Variants in MCMDC2 observed in about 807,000 individuals in gnomAD.
MCMDC2 encodes minichromosome maintenance domain-containing protein 2.
A neutral mutation model predicts 75.8 loss-of-function variants in MCMDC2; 54 were observed. The observed-to-expected ratio is 0.71, with a 90% CI of 0.57 to 0.89. MCMDC2 has a LOEUF of 0.89. Among genes scored for constraint, MCMDC2 ranks in the 40% least tolerant of loss-of-function variants. MCMDC2 has a pLI of 0.00. For missense variants in MCMDC2, 656 were observed against 780.4 expected (o/e 0.84, Z 1.90); for synonymous variants, 249 against 274.6 (o/e 0.91, Z 0.92).
At chr8:66,901,608 T>C (rs1563384346) in intron 13 of MCMDC2, 7 of 1,128,178 alleles carry the variant, frequency 6.2e-6, no homozygotes, top group Admixed American at 4.9e-5. Flanking sequence ...AAAAGTGCAC[T>C]GATTTCAAAT....
At chr8:66,924,696 C>T (rs1319603086), downstream of MCMDC2, among the ~76,000 whole-genome samples, 2 of 151,822 alleles carry the variant, frequency 1.3e-5, no homozygotes, top group African/African-American at 4.8e-5. Flanking sequence ...CAGTTGCTGA[C>T]CGGTTTCTTC....
chr8:66,889,089 A>G (rs144689882), intron 9 of MCMDC2, among the ~76,000 whole-genome samples: 1 of 152,290 alleles, frequency 6.6e-6, no homozygotes, highest in Non-Finnish European at 1.5e-5. Context: ...GATATATTTT[A>G]TACCATCTAC....
chr8:66,882,995 G>A (rs1249272107), intron 8 of MCMDC2, among the ~76,000 whole-genome samples: 1 of 152,116 alleles, frequency 6.6e-6, no homozygotes, highest in Non-Finnish European at 1.5e-5. Flanking sequence ...GACTAAAGTA[G>A]GCCTCTCTTA....
intron 5 of MCMDC2, among the ~76,000 whole-genome samples, chr8:66,877,852 G>A (rs1322577362): frequency 1.5e-5 from 2 of 137,116 alleles, no homozygotes; most frequent in African/African-American, 2.8e-5. Flanking sequence ...ATGACAAAGA[G>A]TGACCCTGTC....
chr8:66,893,631 A>G (rs1420260194), intron 10 of MCMDC2, among the ~76,000 whole-genome samples: 2 of 152,150 alleles, frequency 1.3e-5, no homozygotes, highest in African/African-American at 4.8e-5. Flanking sequence ...ACCTGCCCCC[A>G]TGATTCAGTT....
chr8:66,888,677 A>G (rs1293285629), intron 9 of MCMDC2, among the ~76,000 whole-genome samples: 2 of 152,218 alleles, frequency 1.3e-5, no homozygotes, highest in African/African-American at 4.8e-5. Flanking sequence ...TGCTATGAAT[A>G]TATAGAAATA....
Position 66,874,039 on chromosome 8 carries a change from A to G in MCMDC2, c.-88-14A>G, listed in dbSNP as rs1020209340. ...ATTAGAGATTTTCAAAAATAAAATT[A>G]ATTTTATTTCTAGGTTTTCACATCC... On this transcript the variant is annotated splice_polypyrimidine_tract_variant and intron_variant, in intron 1 of 14. Coordinates refer to ENST00000422365, the MANE Select transcript of MCMDC2 (RefSeq NM_173518.5). The G allele has an allele frequency of 4.0e-6, 3 of 755,794 alleles. No individual in the cohort carries two copies. The highest frequency in any genetic ancestry group is 4.0e-6 in the Non-Finnish European group (2 of 503,084). 46.8% of individuals were successfully genotyped at this position (755,794 alleles called of 1,614,324 possible). A position where few individuals can be genotyped will look rare whatever the true frequency, so the allele number is the denominator to read the frequency against.
intron 14 of MCMDC2, among the ~76,000 whole-genome samples, chr8:66,907,644 G>A (rs185238955): frequency 1.3e-5 from 2 of 152,152 alleles, no homozygotes; most frequent in Non-Finnish European, 2.9e-5. Flanking sequence ...TTGAGGAATC[G>A]CCACACTGTC....
In MCMDC2 at chr8:66,920,012, G is replaced by C. The variant is rs905270248; in HGVS notation, c.*843G>C. The C allele has an allele frequency of 6.6e-6, 1 of 152,138 alleles. No homozygotes were observed. The highest frequency in any genetic ancestry group is 2.4e-5 in the African/African-American group (1 of 41,422). The allele number at this position is 152,138 out of a possible 1,614,324, so 9.4% of individuals were successfully genotyped here. On this transcript the variant is annotated 3_prime_UTR_variant, in exon 15 of 15. Transcript: ENST00000422365. ...TTTCCATAACTTTAATAAAAGATCA[G>C]TTCTATTCACAGAAAAGCAAAATGT...
chr8:66,899,773 G>T (rs1007721504), intron 12 of MCMDC2, among the ~76,000 whole-genome samples: 31 of 151,740 alleles, frequency 2.0e-4, no homozygotes, highest in South Asian at 8.3e-4. Flanking sequence ...TGGGATTACA[G>T]GTGTGAGCCA....
chr8:66,874,531 G>C lies in MCMDC2; in HGVS notation c.230G>C (p.Cys77Ser). Reference protein sequence around the residue: ...LKAAEVFQSVCFIAVKTLSLI... With the variant: ...LKAAEVFQSVSFIAVKTLSLI... ...TTTTTTTGTTTGAAATCACAGGTCT[G>C]TTTTATTGCTGTTAAGACTCTCTCA... is the stretch of plus-strand genomic sequence containing the variant. Residue 77 changes from cysteine to serine, a missense_variant, in exon 4 of 15, where the codon TGT (cysteine) becomes TCT (serine). Physicochemically the swap from Cys to Ser is moderately radical, Grantham distance 112. Transcript: ENST00000422365. 4.3e-6 allele frequency: 7 copies of C among 1,613,236 alleles called. No homozygotes were observed. The highest frequency in any genetic ancestry group is 5.9e-6 in the Non-Finnish European group (7 of 1,179,778).
rs563554040 is a variant in MCMDC2 at position 66,904,976 on chromosome 8, C to T, written c.1770-250C>T. On this transcript the variant is annotated intron_variant, in intron 13 of 14. Coordinates refer to ENST00000422365, the MANE Select transcript of MCMDC2 (RefSeq NM_173518.5). Reference sequence around the variant, plus strand: ...CTGTGTATTTATCTGAACAAAACTTCGGGAGGGGAGTGTGGAATGATAAAT... The same window carrying T: ...CTGTGTATTTATCTGAACAAAACTTTGGGAGGGGAGTGTGGAATGATAAAT... 3.3e-5 allele frequency among the ~76,000 whole-genome samples: 5 copies of T among 151,906 alleles called. No homozygotes were observed. In the South Asian group the frequency reaches 8.3e-4, roughly 25 times the overall value.
At chr8:66,902,711 A>AAAATATATATATAT (rs1467425752) in intron 13 of MCMDC2, among the ~76,000 whole-genome samples, 3 of 67,930 alleles carry the variant, frequency 4.4e-5, no homozygotes, top group South Asian at 4.7e-4. Flanking sequence ...AAAAAAAAAA[A>AAAATATATATATAT]ATATATATAT....
At chr8:66,915,540 A>T (rs1318322620) in intron 14 of MCMDC2, among the ~76,000 whole-genome samples, 2 of 147,738 alleles carry the variant, frequency 1.4e-5, no homozygotes, top group African/African-American at 2.5e-5. Context: ...ACATATATTT[A>T]TATATATGTA....
chr8:66,921,963 A>G lies in MCMDC2; in HGVS notation c.*2794A>G, dbSNP rs1813553833. 1.3e-5 allele frequency: 2 copies of G among 152,856 alleles called. No individual in the cohort carries two copies. The highest frequency in any genetic ancestry group is 3.4e-3 in the Middle Eastern group (1 of 294). 9.5% of individuals were successfully genotyped at this position (152,856 alleles called of 1,614,324 possible). On this transcript the variant is annotated 3_prime_UTR_variant, in exon 15 of 15. Transcript: ENST00000422365. ...TTTAAAAGAAAACACTTTATTGTTC[A>G]GCAATTAAAAGTTAGCCAAATATGT...
chr8:66,881,761 A>G (rs1182356715), intron 8 of MCMDC2, among the ~76,000 whole-genome samples: 3 of 152,274 alleles, frequency 2.0e-5, no homozygotes, highest in South Asian at 2.1e-4. Context: ...ATAAAGGCAG[A>G]TGAGGACCAA....
chr8:66,878,714 T>G lies in MCMDC2; in HGVS notation c.604+18T>G, dbSNP rs777365098. ...ACTTGGTGGTAATATGCATTTATAT[T>G]TTGTAATTATAATTTTTAAAATAGT... is the stretch of plus-strand genomic sequence containing the variant. On this transcript the variant is annotated intron_variant, in intron 6 of 14. Transcript: ENST00000422365. The G allele has an allele frequency of 5.9e-6, 9 of 1,534,320 alleles. No individual in the cohort carries two copies. The African/African-American group carries it at 1.3e-4, about 21-fold the overall frequency.
intron 14 of MCMDC2, among the ~76,000 whole-genome samples, chr8:66,913,089 G>T (rs1813178418): frequency 6.6e-6 from 1 of 152,126 alleles, no homozygotes; most frequent in Non-Finnish European, 1.5e-5. Context: ...TCAACAAACA[G>T]TATGCTGATG....
At chr8:66,897,098 G>A (rs1812391524) in intron 12 of MCMDC2, 139 bp downstream of exon 12, 4 of 805,472 alleles carry the variant, frequency 5.0e-6, no homozygotes, top group Non-Finnish European at 7.4e-6. Flanking sequence ...ACATTTTAAG[G>A]ACATTGCATA....
Sources: gnomAD v4.1 joint callset for allele counts (sites outside exome capture counted in the v4.1 genomes callset) on GRCh38, gnomAD v4.1.1 for gene constraint, MANE v1.5 for transcripts, NCBI Gene and HGNC (gene_info 2026-07-23, HGNC 2026-07-21) for gene names.